TM2D3: variants seen among roughly 807,000 people sequenced by gnomAD.
TM2D3 encodes the protein TM2 domain-containing protein 3.
In TM2D3, 33 loss-of-function variants were observed where a neutral mutation model predicts 27.3. That is an observed-to-expected ratio of 1.21 (90% CI 0.92 to 1.61). TM2D3 has a LOEUF of 1.61. Among genes scored for constraint, TM2D3 ranks in the 40% most tolerant of loss-of-function variants. The pLI is 0.00. For missense variants in TM2D3, 364 were observed against 320.8 expected (o/e 1.13, Z -1.03); for synonymous variants, 138 against 122.2 (o/e 1.13, Z -0.85).
chr15:101,642,920 CAAAAT>C (rs750264134), intron 5 of TM2D3, among the ~76,000 whole-genome samples: 26 of 152,046 alleles, frequency 1.7e-4, no homozygotes, highest in Non-Finnish European at 2.5e-4. Context: ...GCTTTTTAGT[CAAAAT>C]AAAGCAAAGA....
intron 3 of TM2D3, 49 bp from the exon 4 acceptor site, chr15:101,646,948 TTAAGA>T: frequency 6.2e-7 from 1 of 1,602,482 alleles, no homozygotes; most frequent in South Asian, 1.1e-5. Context: ...GTGTAGTCTG[TTAAGA>T]TGTCAGTAAG....
chr15:101,649,505 T>C (rs527919802), intron 3 of TM2D3, among the ~76,000 whole-genome samples: 1 of 152,210 alleles, frequency 6.6e-6, no homozygotes, highest in South Asian at 2.1e-4. Flanking sequence ...TGGAATTTAT[T>C]CTGGATAAGA....
At chr15:101,646,927 C>T in intron 3 of TM2D3, 28 bp from the exon 4 acceptor site, 1 of 1,613,178 alleles carries the variant, frequency 6.2e-7, no homozygotes, top group Non-Finnish European at 8.5e-7. Flanking sequence ...CAAAACTCAT[C>T]AATCACAATG....
chr15:101,641,177 CAA>C (rs1460426843), downstream of TM2D3, among the ~76,000 whole-genome samples: 1 of 152,162 alleles, frequency 6.6e-6, no homozygotes, highest in Non-Finnish European at 1.5e-5. Flanking sequence ...TTAACGGATA[CAA>C]AAAGTGTGTC....
At chr15:101,648,098 A>AT in intron 3 of TM2D3, 1 of 152,174 alleles carries the variant, frequency 6.6e-6, no homozygotes, top group South Asian at 2.1e-4. Context: ...GGGTTTCACC[A>AT]TGTTGGCCAG....
chr15:101,639,201 GAGT>G (rs1232629419), downstream of TM2D3, among the ~76,000 whole-genome samples: 1 of 152,194 alleles, frequency 6.6e-6, no homozygotes, highest in African/African-American at 2.4e-5. Context: ...AATTTGCTAA[GAGT>G]AGATTTTAAG....
chr15:101,643,471 G>A (rs567779849), intron 5 of TM2D3, among the ~76,000 whole-genome samples: 2 of 151,750 alleles, frequency 1.3e-5, no homozygotes, highest in Non-Finnish European at 2.9e-5. Flanking sequence ...GCGTGGTGGC[G>A]GGCGCCTGTA....
rs1022860282 is a variant in TM2D3 at position 101,645,103 on chromosome 15, T to C, written c.562A>G (p.Thr188Ala). 1.9e-6 allele frequency: 3 copies of C among 1,613,348 alleles called. No homozygotes were observed. The highest frequency in any genetic ancestry group is 1.7e-5 in the Admixed American group (1 of 59,924). ...AAGGCTTACCTTAGAGCCAGAGCCG[T>C]AGACCACTTATAGCCTCCAGTCCAA... ...CNWTGGYKWS[T>A]ALALSITLGG... is the part of the protein sequence containing the mutation. Residue 188 changes from threonine (T) to alanine (A), a missense_variant, in exon 5 of 6, where the codon ACG (threonine) becomes GCG (alanine). By Grantham distance (58) the Thr-to-Ala change is moderately conservative. Coordinates refer to ENST00000333202, the MANE Select transcript of TM2D3 (RefSeq NM_078474.3).
In TM2D3 at chr15:101,642,296, C is replaced by G; in HGVS notation, c.*183G>C. On this transcript the variant is annotated 3_prime_UTR_variant, in exon 6 of 6. Coordinates refer to ENST00000333202, the MANE Select transcript of TM2D3 (RefSeq NM_078474.3). ...TTCACAGAAAAAAATATATTTCAGG[C>G]AAATAAAAACAAATTCCAGATTAGC... 1 of 1,263,472 alleles carries G rather than the reference C, an allele frequency of 7.9e-7. No individual in the cohort carries two copies. Among genetic ancestry groups the G allele is most frequent in the East Asian group, 3.0e-5 (1 of 33,286 alleles). 78.3% of individuals were successfully genotyped at this position (1,263,472 alleles called of 1,614,324 possible). A position where few individuals can be genotyped will look rare whatever the true frequency, so the allele number is the denominator to read the frequency against.
chr15:101,640,446 CTGT>C (rs1215650070), downstream of TM2D3, among the ~76,000 whole-genome samples: 5 of 152,186 alleles, frequency 3.3e-5, no homozygotes, highest in African/African-American at 1.2e-4. Flanking sequence ...AAATAAATTT[CTGT>C]TGTTAAGCCA....
Position 101,635,404 on chromosome 15 carries a change from A to G in TM2D3, c.501-1676T>C, listed in dbSNP as rs191502603. Reference sequence around the variant, plus strand: ...CAATCTGTGAGCATTTTTTATATTTAGTGATTAAAATCACAGCCTGGCTAC... The same window carrying G: ...CAATCTGTGAGCATTTTTTATATTTGGTGATTAAAATCACAGCCTGGCTAC... On this transcript the variant is annotated intron_variant, in intron 4 of 4. Coordinates refer to the TM2D3 transcript ENST00000428002. The G allele has an allele frequency of 2.0e-5, 3 of 152,320 alleles. No homozygotes were observed. In the East Asian group the frequency reaches 5.8e-4, roughly 29 times the overall value. 9.4% of individuals were successfully genotyped at this position (152,320 alleles called of 1,614,324 possible). A position where few individuals can be genotyped will look rare whatever the true frequency, so the allele number is the denominator to read the frequency against.
At chr15:101,641,721 C>G (rs1158147361), downstream of TM2D3, 2 of 245,414 alleles carry the variant, frequency 8.1e-6, no homozygotes, top group African/African-American at 4.6e-5. Flanking sequence ...TGTCAATAAA[C>G]CAGCCAATTA....
chr15:101,643,710 T>C (rs545470503), intron 5 of TM2D3, among the ~76,000 whole-genome samples: 2 of 147,414 alleles, frequency 1.4e-5, no homozygotes, highest in East Asian at 4.0e-4. Flanking sequence ...AGGTTAACAA[T>C]GTAGGGAAAC....
downstream of TM2D3, chr15:101,641,770 AAT>A: frequency 3.8e-6 from 2 of 521,178 alleles, no homozygotes; most frequent in Non-Finnish European, 4.9e-6. Flanking sequence ...GAAAGATAAA[AAT>A]GTTATTCTTA....
Position 101,652,321 on chromosome 15 carries a change from A to G in TM2D3, c.41T>C (p.Leu14Ser), listed in dbSNP as rs201415552. Reference protein sequence around the residue: ...GVLPLRGLRALCRVLLFLSQF... With the variant: ...GVLPLRGLRASCRVLLFLSQF... ...CGAGAGGAAGAGCAGCACGCGACAC[A>G]AGGCGCGGAGGCCCCTCAGCGGGAG... is the stretch of plus-strand genomic sequence containing the variant. The change falls in exon 1 of 6, where the codon TTG (leucine) becomes TCG (serine). Residue 14 changes from leucine (L) to serine (S), a missense_variant. Leu to Ser is a moderately radical substitution (Grantham distance 145, BLOSUM62 -2). Transcript: ENST00000333202. The G allele has an allele frequency of 8.6e-5, 138 of 1,602,336 alleles. No homozygotes were observed. Among genetic ancestry groups the G allele is most frequent in the Non-Finnish European group, 1.1e-4 (126 of 1,175,172 alleles).
At chr15:101,634,042 T>C (rs2939589) in intron 4 of TM2D3, 8,334 of 233,900 alleles carry the variant, frequency 0.036, 321 homozygotes, top group African/African-American at 0.11. Flanking sequence ...ACAAAAAATA[T>C]AATAATTGAA....
chr15:101,633,705 T>A, exon 5 of TM2D3: 1 of 1,533,816 alleles, frequency 6.5e-7, no homozygotes, highest in Non-Finnish European at 8.7e-7. Flanking sequence ...GAGCTGAACA[T>A]GAAGCCCCAC....
chr15:101,651,419 G>A (rs931726174), intron 2 of TM2D3: 15 of 399,400 alleles, frequency 3.8e-5, no homozygotes, highest in South Asian at 1.6e-4. Context: ...CGGACTGAAG[G>A]TTATTTTGAT....
In TM2D3 at chr15:101,646,877, T is replaced by C. The variant is rs1287662688; in HGVS notation, c.350A>G (p.Lys117Arg). ...GCAAGTCATGTTAATGATGAAGTTCTTTTGGGATTTGAAGTCTTGATCCTA... is the reference window on the plus strand; with the variant it reads ...GCAAGTCATGTTAATGATGAAGTTCCTTTGGGATTTGAAGTCTTGATCCTA... ...TCVDQDFKSQ[K>R]NFIINMTCRF... The change falls in exon 4 of 6, where the codon AAG (lysine) becomes AGG (arginine). Residue 117 changes from lysine (K) to arginine (R), a missense_variant. Physicochemically the swap from Lys to Arg is conservative, Grantham distance 26 (BLOSUM62 2). Transcript: ENST00000333202. 6.2e-7 allele frequency: 1 copy of C among 1,614,110 alleles called. No homozygotes were observed. The highest frequency in any genetic ancestry group is 1.3e-5 in the African/African-American group (1 of 74,936).
Sources: gnomAD v4.1 joint callset for allele counts (sites outside exome capture counted in the v4.1 genomes callset) on GRCh38, gnomAD v4.1.1 for gene constraint, MANE v1.5 for transcripts, NCBI Gene and HGNC (gene_info 2026-07-23, HGNC 2026-07-21) for gene names.